The following ZNF609 variants were observed in gnomAD, a reference collection of about 807,000 sequenced individuals.
The protein encoded by ZNF609 is zinc finger protein 609.
A neutral mutation model predicts 109.5 loss-of-function variants in ZNF609; 11 were observed. That is an observed-to-expected ratio of 0.10 (90% CI 0.06 to 0.17). The LOEUF is 0.17. Among genes scored for constraint, ZNF609 ranks in the 10% least tolerant of loss-of-function variants. The probability of loss-of-function intolerance (pLI) is 1.00; values close to 1 mark genes in which losing one functional copy is unlikely to be tolerated. For missense variants in ZNF609, 1,559 were observed against 1,772.4 expected (o/e 0.88, Z 2.16); for synonymous variants, 646 against 662.0 (o/e 0.98, Z 0.37).
intron 2 of ZNF609, among the ~76,000 whole-genome samples, chr15:64,536,966 T>TA (rs1462532404): frequency 7.1e-6 from 1 of 141,452 alleles, no homozygotes; most frequent in African/African-American, 2.6e-5. Flanking sequence ...CTCACACCTG[T>TA]AATCCCAGCA....
chr15:64,621,257 A>T (rs1410436226), intron 2 of ZNF609, among the ~76,000 whole-genome samples: 3 of 152,144 alleles, frequency 2.0e-5, no homozygotes, highest in East Asian at 1.9e-4. Context: ...CTCATTCAGG[A>T]TTGGGGCATC....
intron 2 of ZNF609, among the ~76,000 whole-genome samples, chr15:64,582,149 T>C (rs1895113752): frequency 6.6e-6 from 1 of 152,220 alleles, no homozygotes; most frequent in South Asian, 2.1e-4. Context: ...CAAGCTGTTT[T>C]TGTAAATAAA....
At chr15:64,666,958 T>A (rs1049132539) in intron 3 of ZNF609, among the ~76,000 whole-genome samples, 1 of 152,112 alleles carries the variant, frequency 6.6e-6, no homozygotes, top group East Asian at 1.9e-4. Flanking sequence ...AAACCCTGTC[T>A]CTACTAAAAA....
At chr15:64,679,153 G>T (rs574878439) in intron 6 of ZNF609, among the ~76,000 whole-genome samples, 1 of 152,220 alleles carries the variant, frequency 6.6e-6, no homozygotes, top group East Asian at 1.9e-4. Context: ...GCTCACCACA[G>T]CCTCCACCTC....
chr15:64,558,679 C>T (rs956852655), intron 2 of ZNF609, among the ~76,000 whole-genome samples: 1 of 152,148 alleles, frequency 6.6e-6, no homozygotes, highest in Non-Finnish European at 1.5e-5. Context: ...TTTCTGCTTC[C>T]ATCACATCAT....
At chr15:64,574,784 C>T (rs955629474) in intron 2 of ZNF609, among the ~76,000 whole-genome samples, 9 of 152,144 alleles carry the variant, frequency 5.9e-5, no homozygotes, top group African/African-American at 1.9e-4. Context: ...GGAATTAAAA[C>T]GAAATGTGTC....
At chr15:64,464,755 C>A (rs897374556) in intron 1 of ZNF609, among the ~76,000 whole-genome samples, 8 of 152,080 alleles carry the variant, frequency 5.3e-5, no homozygotes, top group African/African-American at 1.9e-4. Flanking sequence ...GGACTCTTTT[C>A]GCTAGGGAAC....
At chr15:64,679,810 T>C (rs1340211431) in intron 6 of ZNF609, among the ~76,000 whole-genome samples, 1 of 152,236 alleles carries the variant, frequency 6.6e-6, no homozygotes, top group Non-Finnish European at 1.5e-5. Context: ...CAGTTATTTA[T>C]TTGCTCAAGG....
chr15:64,538,947 G>A (rs974990687), intron 2 of ZNF609, among the ~76,000 whole-genome samples: 1 of 152,058 alleles, frequency 6.6e-6, no homozygotes, highest in African/African-American at 2.4e-5. Flanking sequence ...CAATCGTCCC[G>A]CTTCAGCCTC....
chr15:64,473,799 T>A (rs1028618515), intron 1 of ZNF609, among the ~76,000 whole-genome samples: 12 of 152,098 alleles, frequency 7.9e-5, no homozygotes, highest in African/African-American at 2.9e-4. Context: ...AGATGGAGTC[T>A]CAGTCTGTCG....
Position 64,681,678 on chromosome 15 carries a change from T to C in ZNF609, c.*6-14T>C, listed in dbSNP as rs1393481644. ...GGCTGAGTGCCTGGTTATCTGTCCA[T>C]GTTTCCCTTGCAGACACCAAGTGCC... On this transcript the variant is annotated splice_polypyrimidine_tract_variant and intron_variant, in intron 9 of 9. Coordinates refer to ENST00000326648, the MANE Select transcript of ZNF609 (RefSeq NM_015042.2). 6.5e-6 allele frequency: 2 copies of C among 306,568 alleles called. No homozygotes were observed. The highest frequency in any genetic ancestry group is 1.2e-5 in the Non-Finnish European group (2 of 163,282). 19.0% of individuals were successfully genotyped at this position (306,568 alleles called of 1,614,324 possible).
At chr15:64,656,356 C>G (rs937585199) in intron 3 of ZNF609, among the ~76,000 whole-genome samples, 1 of 152,182 alleles carries the variant, frequency 6.6e-6, no homozygotes, top group Non-Finnish European at 1.5e-5. Flanking sequence ...AGCCACCATG[C>G]CTAGCTATCT....
At chr15:64,479,743 A>T (rs1269959130) in intron 1 of ZNF609, among the ~76,000 whole-genome samples, 2 of 151,480 alleles carry the variant, frequency 1.3e-5, no homozygotes, top group Admixed American at 1.3e-4. Flanking sequence ...ATGTGGTGAA[A>T]CCCCGTCTCT....
At chr15:64,606,474 C>T (rs1453197179) in intron 2 of ZNF609, among the ~76,000 whole-genome samples, 1 of 148,780 alleles carries the variant, frequency 6.7e-6, no homozygotes, top group Non-Finnish European at 1.5e-5. Flanking sequence ...GCACAAGAAT[C>T]GCTTGAACCG....
chr15:64,637,448 T>A (rs1896192799), intron 3 of ZNF609, among the ~76,000 whole-genome samples: 1 of 152,216 alleles, frequency 6.6e-6, no homozygotes, highest in Non-Finnish European at 1.5e-5. Context: ...ATGATCAACT[T>A]GAATAGACAT....
chr15:64,639,671 G>A (rs1274749199), intron 3 of ZNF609, among the ~76,000 whole-genome samples: 5 of 152,178 alleles, frequency 3.3e-5, no homozygotes, highest in Non-Finnish European at 7.3e-5. Context: ...AAGGTCATAT[G>A]CTGAGGTACT....
intron 2 of ZNF609, among the ~76,000 whole-genome samples, chr15:64,596,117 A>T (rs559290026): frequency 6.6e-6 from 1 of 152,088 alleles, no homozygotes; most frequent in Non-Finnish European, 1.5e-5. Context: ...TATGAAATGA[A>T]ATATGGACCT....
At chr15:64,593,134 C>T in intron 2 of ZNF609, 2 of 1,589,634 alleles carry the variant, frequency 1.3e-6, no homozygotes, top group African/African-American at 1.3e-5. Flanking sequence ...CAGTCAGGGA[C>T]ATTTCTGAAG....
chr15:64,498,784 T>G (rs1331579934), intron 1 of ZNF609, among the ~76,000 whole-genome samples: 2 of 152,166 alleles, frequency 1.3e-5, no homozygotes, highest in African/African-American at 4.8e-5. Context: ...AGACTTTTCC[T>G]TCCCAATAGT....
Sources: gnomAD v4.1 joint callset for allele counts (sites outside exome capture counted in the v4.1 genomes callset) on GRCh38, gnomAD v4.1.1 for gene constraint, MANE v1.5 for transcripts, NCBI Gene and HGNC (gene_info 2026-07-23, HGNC 2026-07-21) for gene names.